FRYL: variants seen among roughly 807,000 people sequenced by gnomAD.
The protein encoded by FRYL is protein furry homolog-like.
A neutral mutation model predicts 351.2 loss-of-function variants in FRYL; 150 were observed. That is an observed-to-expected ratio of 0.43 (90% confidence interval 0.37 to 0.49). FRYL has a LOEUF of 0.49. Ranked by LOEUF, FRYL falls within the 20% of genes least tolerant of loss-of-function variation. The pLI is 0.00. For synonymous variants in FRYL, 1,153 were observed against 1,257.1 expected (o/e 0.92, Z 1.75); for missense variants, 3,036 against 3,619.3 (o/e 0.84, Z 4.13).
chr4:48,722,241 G>A (rs1769561487), intron 1 of FRYL, among the ~76,000 whole-genome samples: 1 of 152,158 alleles, frequency 6.6e-6, no homozygotes, highest in African/African-American at 2.4e-5. Flanking sequence ...ATACTAAGTT[G>A]TGATAGTCTA....
Position 48,604,638 on chromosome 4 carries a change from A to G in FRYL, c.834+1103T>C, listed in dbSNP as rs556979036. ...AGGGGCATGGAGCAGGTTCCTCCTC[A>G]CAGCTCTTAGAAGGAACCAACCTGC... On this transcript the variant is annotated intron_variant, in intron 11 of 63. Coordinates refer to ENST00000358350, the MANE Select transcript of FRYL (RefSeq NM_015030.2). 6.6e-5 allele frequency among the ~76,000 whole-genome samples: 10 copies of G among 152,330 alleles called. No homozygotes were observed. The East Asian group carries it at 1.9e-3, about 29-fold the overall frequency.
At chr4:48,668,827 A>AT in intron 3 of FRYL, among the ~76,000 whole-genome samples, 1 of 152,360 alleles carries the variant, frequency 6.6e-6, no homozygotes, top group South Asian at 2.1e-4. Context: ...TTGGAGGCTT[A>AT]TTAACTATAG....
chr4:48,501,965 A>G (rs1205530220), intron 61 of FRYL, among the ~76,000 whole-genome samples: 1 of 152,238 alleles, frequency 6.6e-6, no homozygotes, highest in Non-Finnish European at 1.5e-5. Flanking sequence ...GCACATTTTC[A>G]CATTCTACAA....
At chr4:48,600,439 C>T (rs1745474055) in intron 13 of FRYL, among the ~76,000 whole-genome samples, 1 of 152,116 alleles carries the variant, frequency 6.6e-6, no homozygotes, top group African/African-American at 2.4e-5. Flanking sequence ...TGGCTCTTAT[C>T]TCCTTTAGCC....
At chr4:48,654,312 A>C (rs988910502) in intron 3 of FRYL, among the ~76,000 whole-genome samples, 3 of 151,108 alleles carry the variant, frequency 2.0e-5, no homozygotes, top group African/African-American at 7.3e-5. Flanking sequence ...AAAAAAAAAA[A>C]AACAAAAACA....
chr4:48,761,051 T>G (rs1325604811), intron 1 of FRYL, among the ~76,000 whole-genome samples: 9 of 113,116 alleles, frequency 8.0e-5, no homozygotes, highest in African/African-American at 2.3e-4. Flanking sequence ...GTGTGTGTGT[T>G]GAAGAGGAAA....
intron 3 of FRYL, among the ~76,000 whole-genome samples, chr4:48,642,567 T>C (rs1755556241): frequency 6.6e-6 from 1 of 152,132 alleles, no homozygotes; most frequent in African/African-American, 2.4e-5. Flanking sequence ...CTAAAATGTT[T>C]ATTTATCCTA....
intron 4 of FRYL, among the ~76,000 whole-genome samples, chr4:48,631,483 C>G (rs776584): frequency 0.42 from 63,311 of 151,594 alleles, 14,529 homozygotes; most frequent in Admixed American, 0.56. Flanking sequence ...AAGGCACACA[C>G]CACAGCAATA....
chr4:48,499,931 G>A, intron 63 of FRYL, 99 bp downstream of exon 63: 2 of 908,030 alleles, frequency 2.2e-6, no homozygotes, highest in South Asian at 1.6e-5. Flanking sequence ...CTTTCACAAA[G>A]ACATGATATG....
intron 3 of FRYL, among the ~76,000 whole-genome samples, chr4:48,664,743 C>T (rs1455650774): frequency 6.6e-6 from 1 of 152,114 alleles, no homozygotes; most frequent in Non-Finnish European, 1.5e-5. Context: ...TGCTAGCCAA[C>T]AATAACCACA....
chr4:48,526,038 T>C (rs1255356151), intron 53 of FRYL, among the ~76,000 whole-genome samples: 3 of 151,912 alleles, frequency 2.0e-5, no homozygotes, highest in Non-Finnish European at 4.4e-5. Context: ...ATATTAGTAG[T>C]ACATGTATAT....
At chr4:48,541,036 C>A in intron 45 of FRYL, 76 bp from the exon 46 acceptor site, 1 of 1,361,680 alleles carries the variant, frequency 7.3e-7, no homozygotes, top group Non-Finnish European at 9.8e-7. Context: ...TCTGAAAACA[C>A]TGAAAAATAG....
chr4:48,774,812 C>T (rs2056201), intron 1 of FRYL, among the ~76,000 whole-genome samples: 70,223 of 151,858 alleles, frequency 0.46, 17,131 homozygotes, highest in Admixed American at 0.61. Flanking sequence ...CTCCGAGTGC[C>T]GGGATTACAG....
chr4:48,737,244 C>T (rs1201892700), intron 1 of FRYL, among the ~76,000 whole-genome samples: 3 of 127,602 alleles, frequency 2.4e-5, no homozygotes, highest in South Asian at 2.4e-4. Context: ...GGCCACAGAG[C>T]GAGACTCCAT....
chr4:48,746,543 T>TA (rs1380968314), intron 1 of FRYL, among the ~76,000 whole-genome samples: 10 of 150,500 alleles, frequency 6.6e-5, no homozygotes, highest in African/African-American at 2.4e-4. Flanking sequence ...AGACTCCGTT[T>TA]TAAAAAAAAA....
rs1553983293 is a variant in FRYL, at chr4:48,702,773, A to AAAAAAAAAAAAAAG, written c.-204+7745_-204+7746insCTTTTTTTTTTTTT. Among the ~76,000 whole-genome samples the AAAAAAAAAAAAAAG allele has an allele frequency of 2.1e-4, 29 of 139,280 alleles. 1 individual carries two copies. The highest frequency in any genetic ancestry group is 2.9e-4 in the Non-Finnish European group (19 of 65,906). The allele number at this position is 139,280 out of a possible 152,430, so 91.4% of individuals were successfully genotyped here. A position where few individuals can be genotyped will look rare whatever the true frequency, so the allele number is the denominator to read the frequency against. On this transcript the variant is annotated intron_variant, in intron 2 of 63. Coordinates refer to ENST00000358350, the MANE Select transcript of FRYL (RefSeq NM_015030.2). ...AAGACTCCGTCTCAAAAAAAAAAAA[A>AAAAAAAAAAAAAAG]AAAGAAAAAGAAAGAAAAGAAAAAA...
chr4:48,655,203 T>C (rs938993733), intron 3 of FRYL, among the ~76,000 whole-genome samples: 16 of 152,168 alleles, frequency 1.1e-4, no homozygotes, highest in African/African-American at 3.9e-4. Context: ...AGGTATATTT[T>C]TTCTCAGAGC....
rs200065131 is a variant in FRYL, at chr4:48,553,423, T to A, written c.4267-40A>T. 7 of 1,462,570 alleles carry A rather than the reference T, an allele frequency of 4.8e-6. No individual in the cohort carries two copies. The East Asian group carries it at 1.6e-4, about 33-fold the overall frequency. 90.6% of individuals were successfully genotyped at this position (1,462,570 alleles called of 1,614,324 possible). ...ATCGTTCAGAAAAGAAAAAGCAAAG[T>A]TTTTATCTCATTAATTTCTCCTGAG... On this transcript the variant is annotated intron_variant, in intron 35 of 63. Coordinates refer to ENST00000358350, the MANE Select transcript of FRYL (RefSeq NM_015030.2).
intron 4 of FRYL, among the ~76,000 whole-genome samples, chr4:48,624,121 A>T (rs1751282066): frequency 1.3e-5 from 2 of 152,172 alleles, no homozygotes. Context: ...TACTTTCAGG[A>T]GGTAACCTTC....
Sources: allele counts gnomAD v4.1 joint callset (sites outside exome capture counted in the v4.1 genomes callset), GRCh38; gene constraint gnomAD v4.1.1; transcripts MANE v1.5; gene names NCBI Gene and HGNC (gene_info 2026-07-23, HGNC 2026-07-21).